TLR6: variants seen among roughly 807,000 people sequenced by gnomAD.
TLR6 encodes the protein toll like receptor 6, also known as toll-like receptor 6.
TLR6 carries 9 observed loss-of-function variants against 16.1 expected under a neutral mutation model. The observed-to-expected ratio is 0.56, with a 90% CI of 0.34 to 0.98. The LOEUF is 0.98. Among genes scored for constraint, TLR6 ranks in the 50% least tolerant of loss-of-function variants. The pLI, the probability that TLR6 is intolerant of heterozygous loss-of-function variation, is 0.02. For missense variants in TLR6, 786 were observed against 921.0 expected, an observed-to-expected ratio of 0.85 and a Z score of 1.90; for synonymous variants, 340 against 338.6, an observed-to-expected ratio of 1.00 and a Z score of -0.04.
intron 1 of TLR6, among the ~76,000 whole-genome samples, chr4:38,838,750 C>T: frequency 6.6e-6 from 1 of 152,010 alleles, no homozygotes. Flanking sequence ...GAAATGCTCC[C>T]CCACCCACAC....
intron 1 of TLR6, among the ~76,000 whole-genome samples, chr4:38,852,018 G>A (rs139830141): frequency 6.6e-6 from 1 of 152,080 alleles, no homozygotes; most frequent in Non-Finnish European, 1.5e-5. Context: ...CATGGTACTG[G>A]TACCAAAACA....
At chr4:38,853,367 C>A in intron 1 of TLR6, among the ~76,000 whole-genome samples, 1 of 144,422 alleles carries the variant, frequency 6.9e-6, no homozygotes, top group Non-Finnish European at 1.6e-5. Flanking sequence ...TACCCTAGAA[C>A]TTAAAGTATA....
exon 2 of TLR6, chr4:38,825,239 A>G (rs1471221395): frequency 6.6e-6 from 1 of 152,176 alleles, no homozygotes; most frequent in African/African-American, 2.4e-5. Context: ...TTAGTGACAA[A>G]TCTCACTTTA....
Position 38,847,298 on chromosome 4 carries a change from G to C in TLR6, c.-65+9463C>G, listed in dbSNP as rs547036077. Among the ~76,000 whole-genome samples, 18 of 152,192 alleles carry C rather than the reference G, an allele frequency of 1.2e-4. No homozygotes were observed. In the East Asian group the frequency reaches 2.3e-3, roughly 20 times the overall value. On this transcript the variant is annotated intron_variant, in intron 1 of 1. Transcript: ENST00000436693. ...TCAACATCAAGAATGCACACATTAG[G>C]GGGGGTGGTTCCAAGATGGCCAAAT... is the stretch of plus-strand genomic sequence containing the variant.
At chr4:38,828,070 T>C in exon 2 of TLR6, 1 of 1,614,240 alleles carries the variant, frequency 6.2e-7, no homozygotes. Flanking sequence ...GTTTTACGAC[T>C]TGTTTAGGAA....
At chr4:38,836,019 G>C (rs1711896951) in intron 1 of TLR6, among the ~76,000 whole-genome samples, 1 of 151,974 alleles carries the variant, frequency 6.6e-6, no homozygotes, top group South Asian at 2.1e-4. Context: ...CATCAAAAAA[G>C]TAGAAAGATT....
chr4:38,856,340 G>A (rs1006373712), intron 1 of TLR6, among the ~76,000 whole-genome samples: 2 of 152,130 alleles, frequency 1.3e-5, no homozygotes, highest in African/African-American at 4.8e-5. Context: ...AGTGACAAAC[G>A]ACAAGGGAGA....
chr4:38,846,085 T>A (rs1455556213), intron 1 of TLR6, among the ~76,000 whole-genome samples: 2 of 86,040 alleles, frequency 2.3e-5, no homozygotes, highest in African/African-American at 6.2e-5. Flanking sequence ...GAGCGAGACA[T>A]CTCAAAAAAA....
At chr4:38,852,708 G>T (rs924772564) in intron 1 of TLR6, among the ~76,000 whole-genome samples, 2 of 150,940 alleles carry the variant, frequency 1.3e-5, no homozygotes, top group African/African-American at 4.8e-5. Flanking sequence ...TTAGAATGGC[G>T]ATCATTAAAA....
At chr4:38,828,475 A>C in exon 2 of TLR6, 1 of 1,614,210 alleles carries the variant, frequency 6.2e-7, no homozygotes, top group Non-Finnish European at 8.5e-7. Flanking sequence ...TTAACATCAT[A>C]ATGTTCATCT....
upstream of TLR6, among the ~76,000 whole-genome samples, chr4:38,860,931 C>A (rs566947942): frequency 1.3e-5 from 2 of 152,106 alleles, no homozygotes; most frequent in East Asian, 1.9e-4. Flanking sequence ...GCCGGGCATA[C>A]GTTTTATTTT....
exon 2 of TLR6, chr4:38,828,042 G>A (rs936657753): frequency 2.5e-6 from 4 of 1,614,208 alleles, no homozygotes; most frequent in Admixed American, 1.7e-5. Flanking sequence ...GCAACATTGA[G>A]TTCTTGCAAA....
At chr4:38,864,461 T>C in the TLR6 span, among the ~76,000 whole-genome samples, 1 of 152,228 alleles carries the variant, frequency 6.6e-6, no homozygotes, top group African/African-American at 2.4e-5. Flanking sequence ...AGGTGGCAAT[T>C]GTAGCATTAT....
chr4:38,834,538 G>A (rs759699175), intron 1 of TLR6, among the ~76,000 whole-genome samples: 2 of 152,038 alleles, frequency 1.3e-5, no homozygotes, highest in Non-Finnish European at 2.9e-5. Flanking sequence ...GATACAAGAA[G>A]CTTAAAAATT....
At chr4:38,827,116 T>C (rs1159704153) in exon 2 of TLR6, 2 of 1,601,568 alleles carry the variant, frequency 1.2e-6, no homozygotes, top group Admixed American at 1.8e-5. Flanking sequence ...CAGTGACTAG[T>C]GTTAATTTCA....
rs1579240385 is a variant in TLR6 at position 38,829,554 on chromosome 4, C to T, written c.-64-17G>A. 8.8e-6 allele frequency: 7 copies of T among 795,414 alleles called. No homozygotes were observed. The Admixed American group carries it at 1.4e-4, about 16-fold the overall frequency. The allele number at this position is 795,414 out of a possible 1,614,324, so 49.3% of individuals were successfully genotyped here. A position where few individuals can be genotyped will look rare whatever the true frequency, so the allele number is the denominator to read the frequency against. On this transcript the variant is annotated splice_polypyrimidine_tract_variant and intron_variant, in intron 1 of 1. Coordinates refer to ENST00000436693, the Ensembl canonical transcript of TLR6. ...GTCCAAATTCTAGAAATATAATATA[C>T]ACTAAGATTAATAAAGATCGGATGG...
At chr4:38,850,890 A>G (rs1712743469) in intron 1 of TLR6, among the ~76,000 whole-genome samples, 1 of 152,228 alleles carries the variant, frequency 6.6e-6, no homozygotes, top group Non-Finnish European at 1.5e-5. Flanking sequence ...TGAGGCCAGC[A>G]TCATCCTGAT....
chr4:38,833,149 A>G (rs1470430428), intron 1 of TLR6, among the ~76,000 whole-genome samples: 1 of 152,156 alleles, frequency 6.6e-6, no homozygotes, highest in African/African-American at 2.4e-5. Context: ...CTACTGCTAC[A>G]GTTAATGCCA....
chr4:38,840,360 G>A (rs55715613), intron 1 of TLR6, among the ~76,000 whole-genome samples: 4,966 of 152,220 alleles, frequency 0.033, 236 homozygotes, highest in African/African-American at 0.092. Context: ...CAGGACTGGC[G>A]TGGTGGCTCA....
Sources: gnomAD v4.1 joint callset for allele counts (sites outside exome capture counted in the v4.1 genomes callset) on GRCh38, gnomAD v4.1.1 for gene constraint, MANE v1.5 for transcripts, NCBI Gene and HGNC (gene_info 2026-07-23, HGNC 2026-07-21) for gene names.